The following CFAP210 variants were observed in gnomAD, a reference collection of about 807,000 sequenced individuals.
CFAP210 encodes the protein cilia- and flagella- associated protein 210.
At chr2:169,649,411 GCA>G in the CFAP210 span, 16 of 1,434,646 alleles carry the variant, frequency 1.1e-5, no homozygotes, top group Admixed American at 5.7e-5. Context: ...GTCTGAAAAG[GCA>G]CAGAGTCAGA....
the CFAP210 span, among the ~76,000 whole-genome samples, chr2:169,652,151 A>G: frequency 6.6e-6 from 1 of 152,262 alleles, no homozygotes; most frequent in African/African-American, 2.4e-5. Flanking sequence ...TTGGCAAAGC[A>G]GCATGTGAGA....
At chr2:169,656,642 T>C in the CFAP210 span, among the ~76,000 whole-genome samples, 2 of 152,058 alleles carry the variant, frequency 1.3e-5, no homozygotes, top group Admixed American at 1.3e-4. Context: ...GAGGCAAACT[T>C]GAGAACAGAT....
the CFAP210 span, chr2:169,675,181 C>A: frequency 2.9e-6 from 2 of 685,744 alleles, no homozygotes; most frequent in African/African-American, 3.8e-5. Context: ...TGAGGCTACA[C>A]TTATGAGCTT....
chr2:169,649,352 T>G, the CFAP210 span: 1 of 1,607,550 alleles, frequency 6.2e-7, no homozygotes, highest in Non-Finnish European at 8.5e-7. Context: ...TTCATCTAGA[T>G]GTTTAAAGGC....
chr2:169,677,669 T>C, the CFAP210 span, among the ~76,000 whole-genome samples: 1 of 152,172 alleles, frequency 6.6e-6, no homozygotes, highest in Admixed American at 6.5e-5. Context: ...GGCAAGAATA[T>C]CTACCTTCAC....
the CFAP210 span, chr2:169,645,738 A>C: frequency 4.3e-5 from 32 of 750,534 alleles, 1 homozygote; most frequent in Middle Eastern, 7.1e-4. Flanking sequence ...ATCAGACATA[A>C]TTGTACTTAG....
At chr2:169,659,540 A>G in the CFAP210 span, among the ~76,000 whole-genome samples, 1 of 152,198 alleles carries the variant, frequency 6.6e-6, no homozygotes, top group Non-Finnish European at 1.5e-5. Flanking sequence ...CTCACAAGAC[A>G]GCACTAGGAG....
chr2:169,661,023 T>C, the CFAP210 span: 3 of 491,174 alleles, frequency 6.1e-6, no homozygotes, highest in Non-Finnish European at 8.1e-6. Context: ...GAAGAACTTC[T>C]GAAAACTCTT....
At chr2:169,669,318 G>A in the CFAP210 span, among the ~76,000 whole-genome samples, 1 of 152,188 alleles carries the variant, frequency 6.6e-6, no homozygotes, top group African/African-American at 2.4e-5. Context: ...TTGCGAAGTA[G>A]GCAGGCCAGA....
chr2:169,645,964 T>A, the CFAP210 span: 1 of 1,613,962 alleles, frequency 6.2e-7, no homozygotes, highest in South Asian at 1.1e-5. Flanking sequence ...TTAATCCACC[T>A]CTGTCCACAA....
the CFAP210 span, among the ~76,000 whole-genome samples, chr2:169,649,740 T>C: frequency 6.6e-6 from 1 of 152,140 alleles, no homozygotes; most frequent in Non-Finnish European, 1.5e-5. Context: ...GAGACCAGCC[T>C]GACCAACATG....
the CFAP210 span, among the ~76,000 whole-genome samples, chr2:169,649,933 A>G: frequency 6.6e-6 from 1 of 151,998 alleles, no homozygotes; most frequent in Non-Finnish European, 1.5e-5. Flanking sequence ...AAAAAAAAAA[A>G]AATTGCTCCA....
chr2:169,662,137 C>A, the CFAP210 span: 1 of 788,850 alleles, frequency 1.3e-6, no homozygotes, highest in Non-Finnish European at 2.0e-6. Flanking sequence ...ACCTAAATTC[C>A]CTTACTTGAT....
chr2:169,646,240 A>C, the CFAP210 span: 1 of 1,229,906 alleles, frequency 8.1e-7, no homozygotes, highest in Non-Finnish European at 1.2e-6. Context: ...GAACTTTCTA[A>C]ATATACATAG....
the CFAP210 span, among the ~76,000 whole-genome samples, chr2:169,647,738 C>T: frequency 3.3e-5 from 5 of 152,132 alleles, no homozygotes; most frequent in Non-Finnish European, 7.4e-5. Flanking sequence ...ATCAAAGATA[C>T]TATCAATGGA....
At chr2:169,656,473 G>T in the CFAP210 span, among the ~76,000 whole-genome samples, 10 of 149,858 alleles carry the variant, frequency 6.7e-5, no homozygotes, top group East Asian at 1.9e-3. Flanking sequence ...GGAGGAGGAG[G>T]AGAAGGTGGT....
the CFAP210 span, among the ~76,000 whole-genome samples, chr2:169,690,517 A>G: frequency 1.4e-4 from 21 of 152,022 alleles, no homozygotes; most frequent in African/African-American, 5.1e-4. Context: ...ACAAAAATTA[A>G]CCAGGTGTGG....
chr2:169,661,471 A>T, the CFAP210 span: 2 of 301,280 alleles, frequency 6.6e-6, no homozygotes, highest in Middle Eastern at 1.1e-3. Context: ...GCTCCTCAGC[A>T]GTGCTAGGGG....
At chr2:169,686,243 T>TA in the CFAP210 span, among the ~76,000 whole-genome samples, 1 of 152,346 alleles carries the variant, frequency 6.6e-6, no homozygotes, top group South Asian at 2.1e-4. Context: ...TCCTACTTAT[T>TA]AATATTTCTT....
Sources: allele counts gnomAD v4.1 joint callset (sites outside exome capture counted in the v4.1 genomes callset), GRCh38; gene constraint gnomAD v4.1.1; transcripts MANE v1.5; gene names NCBI Gene and HGNC (gene_info 2026-07-23, HGNC 2026-07-21).